Variants in C6orf132 observed in about 807,000 individuals in gnomAD.
The protein encoded by C6orf132 is uncharacterized protein C6orf132.
In C6orf132, 43 loss-of-function variants were observed where a neutral mutation model predicts 65.3. That is an observed-to-expected ratio of 0.66 (90% CI 0.52 to 0.85). The LOEUF is 0.85. Ranked by LOEUF, C6orf132 falls within the 40% of genes least tolerant of loss-of-function variation. The pLI is 0.00. For synonymous variants in C6orf132, 631 were observed against 654.1 expected, an observed-to-expected ratio of 0.96 and a Z score of 0.54; for missense variants, 1,488 against 1,548.8, an observed-to-expected ratio of 0.96 and a Z score of 0.66.
Position 42,104,453 on chromosome 6 carries a change from C to A in C6orf132, c.3449+10G>T. ...CCTGGCTTCCCGCACCAGCCGGGCC[C>A]GCAGCTCACCTGCCGGCAGCTGGGG... On this transcript the variant is annotated intron_variant, in intron 4 of 4. Transcript: ENST00000341865. This position sits in a 1 kb window ranked among gnomAD's most constrained non-coding sequence, Gnocchi z 4.1. The A allele has an allele frequency of 1.6e-6, 2 of 1,230,626 alleles. No individual in the cohort carries two copies. The highest frequency in any genetic ancestry group is 8.5e-5 in the Admixed American group (2 of 23,638). The allele number at this position is 1,230,626 out of a possible 1,614,324, so 76.2% of individuals were successfully genotyped here.
chr6:42,140,443 A>G (rs562335932), intron 1 of C6orf132, among the ~76,000 whole-genome samples: 47 of 152,360 alleles, frequency 3.1e-4, no homozygotes, highest in African/African-American at 8.9e-4. Context: ...ATGCCCCTCA[A>G]GTAAACTTGG....
chr6:42,129,815 A>C (rs1289830450), intron 1 of C6orf132, among the ~76,000 whole-genome samples: 1 of 152,222 alleles, frequency 6.6e-6, no homozygotes, highest in African/African-American at 2.4e-5. Context: ...GCCAAAGAGG[A>C]GAGAAGAAAG....
chr6:42,115,579 G>A (rs1403384073), intron 2 of C6orf132, among the ~76,000 whole-genome samples: 1 of 152,042 alleles, frequency 6.6e-6, no homozygotes, highest in Non-Finnish European at 1.5e-5. Context: ...CCGGGAGGCG[G>A]AGCTTGCAGT....
chr6:42,139,203 C>G (rs1407380622), intron 1 of C6orf132, among the ~76,000 whole-genome samples: 2 of 152,218 alleles, frequency 1.3e-5, no homozygotes. Flanking sequence ...GCCAGCATCT[C>G]ACCCCAGGCT....
intron 1 of C6orf132, among the ~76,000 whole-genome samples, chr6:42,136,888 C>T (rs894924518): frequency 2.0e-5 from 3 of 152,034 alleles, no homozygotes; most frequent in African/African-American, 7.2e-5. Flanking sequence ...ATGGCGCCGC[C>T]CCCCCAGCCC....
At chr6:42,136,832 G>A (rs1460924397) in intron 1 of C6orf132, among the ~76,000 whole-genome samples, 2 of 152,142 alleles carry the variant, frequency 1.3e-5, no homozygotes, top group Admixed American at 6.6e-5. Flanking sequence ...GGGAGGAGGG[G>A]CAGGGAGCCA....
rs191716120 is a variant in C6orf132 at position 42,113,493 on chromosome 6, G to C, written c.253-3202C>G. Among the ~76,000 whole-genome samples the C allele has an allele frequency of 3.1e-3, 479 of 152,312 alleles. 2 individuals are homozygous for C. Among genetic ancestry groups the C allele is most frequent in the Non-Finnish European group, 5.0e-3 (342 of 68,040 alleles). ...GGCTTTCCACCTTACCTTTTCTACA[G>C]ATCACTGAGACCCATTTTCTTCACT... On this transcript the variant is annotated intron_variant, in intron 2 of 4. Coordinates refer to ENST00000341865, the MANE Select transcript of C6orf132 (RefSeq NM_001164446.3).
chr6:42,133,426 T>C (rs6918646), intron 1 of C6orf132, among the ~76,000 whole-genome samples: 9,061 of 152,218 alleles, frequency 0.06, 918 homozygotes, highest in African/African-American at 0.2. Flanking sequence ...GCCACATGCA[T>C]GGACCACAGA....
rs1188549181 is a variant in C6orf132 at position 42,123,518 on chromosome 6, GGGAGGT to G, written c.252+5148_252+5153del. On this transcript the variant is annotated intron_variant, in intron 2 of 4. Transcript: ENST00000341865. Reference sequence around the variant, plus strand: ...AAAAGAAGAAAGAAGAAGGAGGAGAGGGAGGTGGAGGAGGAGGAGGAGAAGGAGAGG... The same window carrying G: ...AAAAGAAGAAAGAAGAAGGAGGAGAGGGAGGAGGAGGAGGAGAAGGAGAGG... Among the ~76,000 whole-genome samples, 1,474 of 150,040 alleles carry G rather than the reference GGGAGGT, an allele frequency of 9.8e-3. 22 individuals carry two copies. Among genetic ancestry groups the G allele is most frequent in the African/African-American group, 0.033 (1,334 of 40,674 alleles).
intron 3 of C6orf132, among the ~76,000 whole-genome samples, chr6:42,107,891 G>A (rs533200218): frequency 1.3e-5 from 2 of 152,286 alleles, no homozygotes; most frequent in South Asian, 2.1e-4. Context: ...TGCCCCCTGA[G>A]ATGGGGGGTG....
Position 42,106,817 on chromosome 6 carries a change from C to T in C6orf132, c.1095G>A (p.Glu365=). 1.3e-6 allele frequency: 2 copies of T among 1,535,202 alleles called. No homozygotes were observed. The highest frequency in any genetic ancestry group is 2.4e-5 in the South Asian group (2 of 83,958). The change falls in exon 4 of 5, where the codon GAG becomes GAA. Residue 365 remains glutamate (E), a synonymous_variant. Transcript: ENST00000341865. ...DRAPEPDCPG[E]LKATAPASPR... is the part of the protein sequence containing the mutation. Reference sequence around the variant, plus strand: ...GGCTGGCTGGTGCTGTGGCCTTGAGCTCCCCAGGGCAGTCTGGCTCGGGGG... The same window carrying T: ...GGCTGGCTGGTGCTGTGGCCTTGAGTTCCCCAGGGCAGTCTGGCTCGGGGG...
intron 1 of C6orf132, among the ~76,000 whole-genome samples, chr6:42,135,671 C>T (rs1262581853): frequency 6.6e-6 from 1 of 152,186 alleles, no homozygotes; most frequent in Non-Finnish European, 1.5e-5. Flanking sequence ...TAGCTAGGTC[C>T]AAACTAGAGA....
rs921922989 is a variant in C6orf132 at position 42,105,094 on chromosome 6, G to T, written c.2818C>A (p.Pro940Thr). 2.0e-6 allele frequency: 3 copies of T among 1,536,866 alleles called. No individual in the cohort carries two copies. In the African/African-American group the frequency reaches 4.1e-5, roughly 21 times the overall value. ...SRRHNWTKPE[P>T]QAPVAWERVA... ...CTTTCCCAGGCCACAGGGGCCTGGG[G>T]CTCTGGCTTTGTCCAGTTGTGCCTG... is the stretch of plus-strand genomic sequence containing the variant. Residue 940 changes from proline to threonine, a missense_variant, in exon 4 of 5, where the codon CCC (proline) becomes ACC (threonine). By Grantham distance (38) the Pro-to-Thr change is conservative. Coordinates refer to ENST00000341865, the MANE Select transcript of C6orf132 (RefSeq NM_001164446.3).
Position 42,106,131 on chromosome 6 carries a change from C to T in C6orf132, c.1781G>A (p.Arg594Gln), listed in dbSNP as rs1350247773. The T allele has an allele frequency of 1.4e-5, 21 of 1,537,100 alleles. No individual in the cohort carries two copies. The highest frequency in any genetic ancestry group is 3.6e-5 in the South Asian group (3 of 84,060). The part of the protein sequence containing the change: ...PSIGSLPPKP[R>Q]LEGGRICENG... Reference sequence around the variant, plus strand: ...TTCACAAATTCTTCCCCCTTCTAGCCGAGGCTTAGGGGGCAGAGATCCTAT... The same window carrying T: ...TTCACAAATTCTTCCCCCTTCTAGCTGAGGCTTAGGGGGCAGAGATCCTAT... The change falls in exon 4 of 5, where the codon CGG becomes CAG. Residue 594 changes from arginine (R) to glutamine (Q), a missense_variant. Transcript: ENST00000341865.
At position 42,106,903 on chromosome 6, in the gene C6orf132, G is replaced by A. The variant is rs1015415208; in HGVS notation, c.1009C>T (p.Arg337Ter). Residue 337 changes from arginine to a stop codon, truncating the protein, a stop_gained, in exon 4 of 5, where the codon CGA (arginine) becomes TGA (stop). Transcript: ENST00000341865. LOFTEE classifies it high-confidence loss of function. ...TGGAAGCTGGGAGGCAGTGGGAGTC[G>A]GCTGGGAGCCTTCTTGGTGGCCCCC... The part of the protein sequence containing the change: ...EEGATKKAPS[R>*]LPLPPSFHIR... The A allele has an allele frequency of 6.5e-6, 10 of 1,535,878 alleles. No homozygotes were observed. Among genetic ancestry groups the A allele is most frequent in the South Asian group, 2.4e-5 (2 of 84,010 alleles).
At position 42,105,249 on chromosome 6, in the gene C6orf132, G is replaced by A; in HGVS notation, c.2663C>T (p.Thr888Met). 5 of 1,537,194 alleles carry A rather than the reference G, an allele frequency of 3.3e-6. No homozygotes were observed. The highest frequency in any genetic ancestry group is 2.4e-5 in the East Asian group (1 of 40,906). The change falls in exon 4 of 5, where the codon ACG becomes ATG. Residue 888 changes from threonine (T) to methionine (M), a missense_variant. By Grantham distance (81) the Thr-to-Met change is moderately conservative. Coordinates refer to ENST00000341865, the MANE Select transcript of C6orf132 (RefSeq NM_001164446.3). ...SSDSIFHSQG[T>M]PNSFTVVPKL... ...GGGCACCACAGTGAAGGAGTTGGGC[G>A]TGCCCTGGCTGTGGAAGATGCTGTC...
Position 42,105,448 on chromosome 6 carries a change from C to G in C6orf132, c.2464G>C (p.Glu822Gln). 2 of 1,534,926 alleles carry G rather than the reference C, an allele frequency of 1.3e-6. No homozygotes were observed. The highest frequency in any genetic ancestry group is 1.7e-6 in the Non-Finnish European group (2 of 1,145,892). ...CCAGTCACCGGGTGCCTGAGGAGTT[C>G]ATCAGTGGGCTGGGCCGAGGCAGGA... is the stretch of plus-strand genomic sequence containing the variant. ...KPPASAQPTD[E>Q]LLRHPVTGEV... Residue 822 changes from glutamate to glutamine, a missense_variant, in exon 4 of 5, where the codon GAA becomes CAA. Transcript: ENST00000341865.
chr6:42,115,562 C>T (rs962644683), intron 2 of C6orf132, among the ~76,000 whole-genome samples: 4 of 152,088 alleles, frequency 2.6e-5, no homozygotes, highest in South Asian at 2.1e-4. Context: ...AGGAGAATGG[C>T]GTGAACCCGG....
intron 2 of C6orf132, among the ~76,000 whole-genome samples, chr6:42,111,257 G>A (rs1402728187): frequency 6.7e-6 from 1 of 150,244 alleles, no homozygotes; most frequent in Non-Finnish European, 1.5e-5. Flanking sequence ...GACTACAGAT[G>A]TGTGCCACCA....
Sources: allele counts gnomAD v4.1 joint callset (sites outside exome capture counted in the v4.1 genomes callset), GRCh38; gene constraint gnomAD v4.1.1; non-coding constraint Gnocchi (gnomAD v3.1); transcripts MANE v1.5; gene names NCBI Gene and HGNC (gene_info 2026-07-23, HGNC 2026-07-21).